Variants in HMG20A observed in about 807,000 individuals in gnomAD.
HMG20A encodes high mobility group 20A.
A neutral mutation model predicts 43.9 loss-of-function variants in HMG20A; 17 were observed. The ratio of observed to expected loss-of-function variants is 0.39; its 90% CI spans 0.27 to 0.58. HMG20A has a LOEUF of 0.58. Ranked by LOEUF, HMG20A falls within the 20% of genes least tolerant of loss-of-function variation. HMG20A has a pLI of 0.59. For synonymous variants in HMG20A, 132 were observed against 147.5 expected (o/e 0.89, Z 0.76); for missense variants, 341 against 438.2 (o/e 0.78, Z 1.98).
At chr15:77,450,935 TG>T (rs2073730118) in intron 1 of HMG20A, among the ~76,000 whole-genome samples, 1 of 152,184 alleles carries the variant, frequency 6.6e-6, no homozygotes, top group African/African-American at 2.4e-5. Context: ...AATTTCCTCT[TG>T]GGTCATCAAG....
At chr15:77,443,242 A>G (rs1046519080) in intron 1 of HMG20A, among the ~76,000 whole-genome samples, 24 of 151,192 alleles carry the variant, frequency 1.6e-4, no homozygotes, top group African/African-American at 5.6e-4. Flanking sequence ...CATGTTGTCC[A>G]GGCTGGTTTT....
At chr15:77,439,504 G>C (rs565294966) in intron 1 of HMG20A, among the ~76,000 whole-genome samples, 1 of 151,870 alleles carries the variant, frequency 6.6e-6, no homozygotes, top group Non-Finnish European at 1.5e-5. Flanking sequence ...ATTTATTCTC[G>C]TGGGTCTGGC....
At chr15:77,514,336 A>G in the HMG20A span, among the ~76,000 whole-genome samples, 1 of 152,220 alleles carries the variant, frequency 6.6e-6, no homozygotes, top group Admixed American at 6.5e-5. Flanking sequence ...TTTCATTTCT[A>G]TGAAGGTCAA....
the HMG20A span, among the ~76,000 whole-genome samples, chr15:77,506,028 C>T: frequency 2.6e-5 from 4 of 151,258 alleles, no homozygotes; most frequent in Admixed American, 1.3e-4. Flanking sequence ...AACCACTTTT[C>T]CCATGTAGGA....
chr15:77,434,076 A>T (rs1567390693), intron 1 of HMG20A, among the ~76,000 whole-genome samples: 2 of 152,304 alleles, frequency 1.3e-5, no homozygotes, highest in South Asian at 2.1e-4. Context: ...AAACAATCCC[A>T]TATGTATGTA....
chr15:77,478,329 C>G lies in HMG20A; in HGVS notation c.726C>G (p.Ser242=). ...CAGAGCTCCGCCAGCTTCGCAAATCCAACATGGAGTTTGAGGAGAGGAATG... is the reference window on the plus strand; with the variant it reads ...CAGAGCTCCGCCAGCTTCGCAAATCGAACATGGAGTTTGAGGAGAGGAATG... ...REAELRQLRK[S]NMEFEERNAA... The change falls in exon 8 of 10, where the codon TCC becomes TCG. Residue 242 remains serine (S), a synonymous_variant. Coordinates refer to ENST00000336216, the MANE Select transcript of HMG20A (RefSeq NM_001304504.2). 1 of 1,613,688 alleles carries G rather than the reference C, an allele frequency of 6.2e-7. No individual in the cohort carries two copies. Among genetic ancestry groups the G allele is most frequent in the Non-Finnish European group, 8.5e-7 (1 of 1,180,036 alleles).
the HMG20A span, among the ~76,000 whole-genome samples, chr15:77,519,959 G>A: frequency 2.0e-5 from 3 of 152,278 alleles, no homozygotes; most frequent in East Asian, 5.8e-4. Flanking sequence ...CCAGCACTTT[G>A]GGAGGCCAAG....
intron 1 of HMG20A, among the ~76,000 whole-genome samples, chr15:77,457,713 G>A (rs1202665891): frequency 6.6e-6 from 1 of 152,076 alleles, no homozygotes; most frequent in East Asian, 1.9e-4. Flanking sequence ...TTCTGCTCTT[G>A]GTTATGATGG....
At chr15:77,516,101 G>T in the HMG20A span, among the ~76,000 whole-genome samples, 1 of 152,184 alleles carries the variant, frequency 6.6e-6, no homozygotes, top group African/African-American at 2.4e-5. Flanking sequence ...ACTGGGCAAG[G>T]TATAAATACT....
the HMG20A span, among the ~76,000 whole-genome samples, chr15:77,517,855 A>C: frequency 6.6e-6 from 1 of 152,234 alleles, no homozygotes; most frequent in Non-Finnish European, 1.5e-5. Flanking sequence ...TTCTGCAAAC[A>C]GACTCACTTA....
the HMG20A span, among the ~76,000 whole-genome samples, chr15:77,492,480 A>T: frequency 6.6e-6 from 1 of 152,160 alleles, no homozygotes; most frequent in African/African-American, 2.4e-5. Flanking sequence ...TCAAGGCAGT[A>T]TGGAGATAGA....
chr15:77,488,147 C>G (rs968776744), downstream of HMG20A, among the ~76,000 whole-genome samples: 2 of 152,154 alleles, frequency 1.3e-5, no homozygotes, highest in Non-Finnish European at 2.9e-5. Flanking sequence ...ACCTGCAACA[C>G]CAGATCAGTG....
At chr15:77,422,401 AG>A (rs2073374509) in intron 1 of HMG20A, among the ~76,000 whole-genome samples, 1 of 152,190 alleles carries the variant, frequency 6.6e-6, no homozygotes, top group Admixed American at 6.5e-5. Flanking sequence ...GCAGATCACG[AG>A]GTCAGGAGTT....
At chr15:77,439,599 T>A (rs1018079195) in intron 1 of HMG20A, among the ~76,000 whole-genome samples, 3 of 152,222 alleles carry the variant, frequency 2.0e-5, no homozygotes, top group Non-Finnish European at 4.4e-5. Context: ...ACTGATTTCA[T>A]TGTAGGACTA....
In HMG20A at chr15:77,484,652, C is replaced by T. The variant is rs2072932777; in HGVS notation, c.*1689C>T. On this transcript the variant is annotated 3_prime_UTR_variant, in exon 10 of 10. Coordinates refer to ENST00000336216, the MANE Select transcript of HMG20A (RefSeq NM_001304504.2). Reference sequence around the variant, plus strand: ...TATCAAATATCCATGCGCTGAAACCCACATACCATCACTTGGCAATTTTTT... The same window carrying T: ...TATCAAATATCCATGCGCTGAAACCTACATACCATCACTTGGCAATTTTTT... 6.6e-6 allele frequency: 1 copy of T among 152,188 alleles called. No individual in the cohort carries two copies. Among genetic ancestry groups the T allele is most frequent in the Admixed American group, 6.5e-5 (1 of 15,288 alleles). 9.4% of individuals were successfully genotyped at this position (152,188 alleles called of 1,614,324 possible). A position where few individuals can be genotyped will look rare whatever the true frequency, so the allele number is the denominator to read the frequency against.
intron 2 of HMG20A, among the ~76,000 whole-genome samples, chr15:77,458,970 A>C (rs1203229063): frequency 2.0e-5 from 3 of 152,164 alleles, no homozygotes; most frequent in Non-Finnish European, 4.4e-5. Context: ...TCTTTTGACA[A>C]ATATTTAAAG....
At chr15:77,486,275 T>TG, downstream of HMG20A, among the ~76,000 whole-genome samples, 1 of 151,696 alleles carries the variant, frequency 6.6e-6, no homozygotes, top group Non-Finnish European at 1.5e-5. Context: ...TTTTTTTTTT[T>TG]TTGAGATGGA....
the HMG20A span, among the ~76,000 whole-genome samples, chr15:77,512,619 G>A: frequency 1.3e-5 from 2 of 152,082 alleles, no homozygotes; most frequent in African/African-American, 4.8e-5. Flanking sequence ...ACTAATAAAT[G>A]TAGAAGGGAT....
At chr15:77,498,303 T>C in the HMG20A span, among the ~76,000 whole-genome samples, 1 of 152,200 alleles carries the variant, frequency 6.6e-6, no homozygotes, top group African/African-American at 2.4e-5. Context: ...GTGCATGTGA[T>C]ACATTTTACT....
Sources: gnomAD v4.1 joint callset for allele counts (sites outside exome capture counted in the v4.1 genomes callset) on GRCh38, gnomAD v4.1.1 for gene constraint, MANE v1.5 for transcripts, NCBI Gene and HGNC (gene_info 2026-07-23, HGNC 2026-07-21) for gene names.